PTK7: variants seen among roughly 807,000 people sequenced by gnomAD.
PTK7 encodes the protein inactive tyrosine-protein kinase 7.
Under a neutral mutation model 116.6 loss-of-function variants are expected in PTK7, and 39 were observed. The ratio of observed to expected loss-of-function variants is 0.33; its 90% CI spans 0.26 to 0.44. The LOEUF (loss-of-function observed/expected upper bound fraction) is 0.44. PTK7 is among the 20% of genes least tolerant of loss of function. The pLI is 1.00. For synonymous variants in PTK7, 546 were observed against 563.6 expected (o/e 0.97, Z 0.44); for missense variants, 1,169 against 1,425.6 (o/e 0.82, Z 2.90).
intron 1 of PTK7, among the ~76,000 whole-genome samples, chr6:43,079,896 C>CAAAAA: frequency 1.6e-5 from 1 of 62,060 alleles, no homozygotes; most frequent in South Asian, 4.5e-4. Context: ...TCCACCTGTA[C>CAAAAA]AAAAAAAAAA....
At chr6:43,103,719 T>G (rs1017327346) in intron 1 of PTK7, among the ~76,000 whole-genome samples, 23 of 152,116 alleles carry the variant, frequency 1.5e-4, no homozygotes, top group African/African-American at 5.6e-4. Context: ...CCTTAACCTT[T>G]GAAGGCACTG....
chr6:43,119,976 G>T (rs952196288), intron 1 of PTK7, among the ~76,000 whole-genome samples: 1 of 152,152 alleles, frequency 6.6e-6, no homozygotes, highest in African/African-American at 2.4e-5. Flanking sequence ...CGGTTCCTTA[G>T]AATTTCTGGG....
chr6:43,116,287 T>TGGCCAGCC (rs1768514980), intron 1 of PTK7, among the ~76,000 whole-genome samples: 1 of 152,170 alleles, frequency 6.6e-6, no homozygotes, highest in Admixed American at 6.5e-5. Context: ...CCCGGCCAGC[T>TGGCCAGCC]GGCCAGCCGT....
intron 1 of PTK7, among the ~76,000 whole-genome samples, chr6:43,089,519 G>C (rs1293465102): frequency 6.6e-6 from 1 of 152,154 alleles, no homozygotes; most frequent in Non-Finnish European, 1.5e-5. Flanking sequence ...CAGCCTCAGG[G>C]GGGAGAAAAA....
intron 1 of PTK7, among the ~76,000 whole-genome samples, chr6:43,096,147 G>A (rs573713689): frequency 3.7e-4 from 56 of 152,338 alleles, no homozygotes; most frequent in South Asian, 8.3e-4. Context: ...TGAATTAACA[G>A]CTGCCTGTTC....
rs367995053 is a variant in PTK7 at position 43,145,203 on chromosome 6, A to T, written c.2411A>T (p.Lys804Met). The change falls in exon 16 of 20, where the codon AAG becomes ATG. Residue 804 changes from lysine to methionine, a missense_variant. Lys to Met is a moderately conservative substitution (Grantham distance 95, BLOSUM62 -1). This residue lies in a region of PTK7 where 678 missense variants were observed against 853.8 expected (regional missense o/e 0.79). Transcript: ENST00000230419. The surrounding 1 kb of genome is among the most constrained non-coding windows in gnomAD (Gnocchi z 4.8). The part of the protein sequence containing the change: ...SSLQPITTLG[K>M]SEFGEVFLAK... The stretch of plus-strand genomic sequence containing the variant: ...CTGACTCAGACTGTACCCACAGGGA[A>T]GAGTGAGTTTGGGGAGGTGTTCCTG... The T allele has an allele frequency of 6.2e-7, 1 of 1,605,610 alleles. No individual in the cohort carries two copies. Among genetic ancestry groups the T allele is most frequent in the Non-Finnish European group, 8.5e-7 (1 of 1,175,432 alleles).
At chr6:43,128,588 C>A (rs1460744565) in intron 1 of PTK7, among the ~76,000 whole-genome samples, 1 of 152,122 alleles carries the variant, frequency 6.6e-6, no homozygotes, top group Non-Finnish European at 1.5e-5. Context: ...GGTTCGAGAC[C>A]AGCCTGGCCA....
At chr6:43,103,545 G>A (rs957384738) in intron 1 of PTK7, among the ~76,000 whole-genome samples, 1 of 152,108 alleles carries the variant, frequency 6.6e-6, no homozygotes, top group African/African-American at 2.4e-5. Flanking sequence ...GTGAAAGGAG[G>A]AAGGATCGGA....
intron 1 of PTK7, among the ~76,000 whole-genome samples, chr6:43,114,513 G>A (rs942142928): frequency 1.3e-5 from 2 of 151,880 alleles, no homozygotes; most frequent in African/African-American, 4.8e-5. Flanking sequence ...GGTACCCCCT[G>A]GAATGGGGGC....
chr6:43,116,647 TGTGTGCGC>T (rs1195659544), intron 1 of PTK7, among the ~76,000 whole-genome samples: 75 of 74,314 alleles, frequency 1.0e-3, no homozygotes, highest in South Asian at 3.2e-3. Flanking sequence ...TGTGTGTGTG[TGTGTGCGC>T]GCGCACGCAC....
rs569597643 is a variant in PTK7, at chr6:43,159,821, G to T, written c.2907G>T (p.Pro969=). The T allele has an allele frequency of 1.2e-6, 2 of 1,614,202 alleles. No homozygotes were observed. The highest frequency in any genetic ancestry group is 1.7e-6 in the Non-Finnish European group (2 of 1,180,024). ...ACCACTTCCGCCAGGCCTGGGTGCC[G>T]CTGCGCTGGATGTCCCCCGAGGCCA... ...EYYHFRQAWV[P]LRWMSPEAIL... is the part of the protein sequence containing the mutation. Residue 969 remains proline, a synonymous_variant, in exon 19 of 20, where the codon CCG becomes CCT. Coordinates refer to ENST00000230419, the MANE Select transcript of PTK7 (RefSeq NM_002821.5).
At position 43,129,907 on chromosome 6, in the gene PTK7, A is replaced by G. The variant is rs1769550961; in HGVS notation, c.470+78A>G. On this transcript the variant is annotated intron_variant, in intron 3 of 19. Transcript: ENST00000230419. The surrounding 1 kb of genome is among the most constrained non-coding windows in gnomAD (Gnocchi z 4.5). The stretch of plus-strand genomic sequence containing the variant: ...TCCCCAAATCTTGGACTCTATGCGG[A>G]TGTTACCTCGCTCCATTCTGTGACC... The G allele has an allele frequency of 7.4e-7, 1 of 1,355,974 alleles. No individual in the cohort carries two copies. Among genetic ancestry groups the G allele is most frequent in the Non-Finnish European group, 1.0e-6 (1 of 959,038 alleles). The allele number at this position is 1,355,974 out of a possible 1,614,324, so 84.0% of individuals were successfully genotyped here. A position where few individuals can be genotyped will look rare whatever the true frequency, so the allele number is the denominator to read the frequency against.
intron 1 of PTK7, among the ~76,000 whole-genome samples, chr6:43,093,654 T>A (rs1377195235): frequency 6.6e-6 from 1 of 152,112 alleles, no homozygotes; most frequent in Non-Finnish European, 1.5e-5. Context: ...TATTTTGTGC[T>A]ACCCAAGCAT....
Position 43,145,190 on chromosome 6 carries a change from G to A in PTK7, c.2408-10G>A. 6.3e-7 allele frequency: 1 copy of A among 1,597,152 alleles called. No homozygotes were observed. Among genetic ancestry groups the A allele is most frequent in the Non-Finnish European group, 8.5e-7 (1 of 1,170,486 alleles). ...TGAAGGTGGCTGGCTGACTCAGACTGTACCCACAGGGAAGAGTGAGTTTGG... is the reference window on the plus strand; with the variant it reads ...TGAAGGTGGCTGGCTGACTCAGACTATACCCACAGGGAAGAGTGAGTTTGG... On this transcript the variant is annotated splice_polypyrimidine_tract_variant and intron_variant, in intron 15 of 19. Coordinates refer to ENST00000230419, the MANE Select transcript of PTK7 (RefSeq NM_002821.5). This position sits in a 1 kb window ranked among gnomAD's most constrained non-coding sequence, Gnocchi z 4.8.
chr6:43,080,049 CAAAAA>C lies in PTK7; in HGVS notation c.79+3498_79+3502del, dbSNP rs1173188904. Among the ~76,000 whole-genome samples the C allele has an allele frequency of 3.2e-4, 18 of 56,830 alleles. No homozygotes were observed. In the East Asian group the frequency reaches 6.4e-3, roughly 20 times the overall value. The allele number at this position is 56,830 out of a possible 152,430, so 37.3% of individuals were successfully genotyped here. A position where few individuals can be genotyped will look rare whatever the true frequency, so the allele number is the denominator to read the frequency against. ...GCACTTCGGTCTGGGTGACAGAGTT[CAAAAA>C]AAAAAAAAAAAAAAAGGGCAGGATG... On this transcript the variant is annotated intron_variant, in intron 1 of 19. Transcript: ENST00000230419.
intron 1 of PTK7, among the ~76,000 whole-genome samples, chr6:43,078,122 G>A (rs1766161814): frequency 6.6e-6 from 1 of 152,226 alleles, no homozygotes; most frequent in Non-Finnish European, 1.5e-5. Flanking sequence ...TGCTGTTCAG[G>A]GTACTAGAGT....
chr6:43,102,390 A>T (rs184256082), intron 1 of PTK7, among the ~76,000 whole-genome samples: 1 of 151,962 alleles, frequency 6.6e-6, no homozygotes. Context: ...GTGCCACTGC[A>T]CTCCAGCTTG....
intron 1 of PTK7, among the ~76,000 whole-genome samples, chr6:43,118,643 CTCTCTCTCTCTCTCTCTATA>C (rs1156605371): frequency 1.4e-4 from 12 of 84,500 alleles, no homozygotes; most frequent in African/African-American, 4.8e-4. Context: ...CTCTCTCTCT[CTCTCTCTCTCTCTCTCTATA>C]TATATATATA....
At chr6:43,101,045 C>G (rs947301234) in intron 1 of PTK7, among the ~76,000 whole-genome samples, 3 of 148,474 alleles carry the variant, frequency 2.0e-5, no homozygotes, top group African/African-American at 7.5e-5. Context: ...CCAGCCTGAT[C>G]AACATGGAGA....
Sources: gnomAD v4.1 joint callset for allele counts (sites outside exome capture counted in the v4.1 genomes callset) on GRCh38, gnomAD v4.1.1 for gene constraint, gnomAD v4.1.1 regional missense constraint, Gnocchi (gnomAD v3.1) non-coding constraint, MANE v1.5 for transcripts, NCBI Gene and HGNC (gene_info 2026-07-23, HGNC 2026-07-21) for gene names.